NCKIPSD: variants seen among roughly 807,000 people sequenced by gnomAD.
NCKIPSD encodes NCK interacting protein with SH3 domain.
Under a neutral mutation model 73.4 loss-of-function variants are expected in NCKIPSD, and 48 were observed. The observed-to-expected ratio is 0.65, with a 90% confidence interval of 0.52 to 0.83. The LOEUF (loss-of-function observed/expected upper bound fraction) is 0.83. NCKIPSD is among the 40% of genes least tolerant of loss of function. The pLI, the probability that NCKIPSD is intolerant of heterozygous loss-of-function variation, is 0.00. For synonymous variants in NCKIPSD, 422 were observed against 403.6 expected (o/e 1.05, Z -0.54); for missense variants, 884 against 970.2 (o/e 0.91, Z 1.18).
At chr3:48,679,301 C>T in intron 9 of NCKIPSD, 76 bp downstream of exon 9, 1 of 1,611,336 alleles carries the variant, frequency 6.2e-7, no homozygotes, top group South Asian at 1.1e-5. Flanking sequence ...GCTGTGTAGT[C>T]AGCAGGTCCC....
chr3:48,680,362 C>T (rs928448721), intron 5 of NCKIPSD, 133 bp from the exon 6 acceptor site: 41 of 1,013,560 alleles, frequency 4.0e-5, no homozygotes, highest in Admixed American at 6.3e-5. Context: ...CCACACTGGA[C>T]AGGAGGCTCA....
In NCKIPSD at chr3:48,682,364, T is replaced by A; in HGVS notation, c.470A>T (p.Asp157Val). ...SLPSSEHLGA[D>V]GGLYQIPLPS... ...CCCACACACCTGGTAGAGGCCTCCATCTGCCCCAAGATGCTCAGAACTGGG... is the reference window on the plus strand; with the variant it reads ...CCCACACACCTGGTAGAGGCCTCCAACTGCCCCAAGATGCTCAGAACTGGG... Residue 157 changes from aspartate (D) to valine (V), a missense_variant, in exon 3 of 13, where the codon GAT becomes GTT. Transcript: ENST00000294129. The A allele has an allele frequency of 1.2e-6, 2 of 1,614,004 alleles. No individual in the cohort carries two copies. Among genetic ancestry groups the A allele is most frequent in the Non-Finnish European group, 8.5e-7 (1 of 1,179,944 alleles).
In NCKIPSD at chr3:48,674,068, C is replaced by T. The variant is rs1482009414; in HGVS notation, c.*476G>A. 15 of 1,076,538 alleles carry T rather than the reference C, an allele frequency of 1.4e-5. No homozygotes were observed. Among genetic ancestry groups the T allele is most frequent in the East Asian group, 9.6e-5 (2 of 20,738 alleles). 66.7% of individuals were successfully genotyped at this position (1,076,538 alleles called of 1,614,324 possible). On this transcript the variant is annotated 3_prime_UTR_variant, in exon 13 of 13. Transcript: ENST00000294129. ...CTCTGGGGGTAGGAGTGAAGGGCAG[C>T]GACCCCCATGTGCGGGTGGAGGGGA...
chr3:48,683,471 G>A (rs2077387634), intron 1 of NCKIPSD, among the ~76,000 whole-genome samples: 1 of 152,124 alleles, frequency 6.6e-6, no homozygotes, highest in South Asian at 2.1e-4. Flanking sequence ...ACAAAACCAA[G>A]GTCATACCCC....
chr3:48,681,906 C>A, intron 4 of NCKIPSD, 126 bp from the exon 5 acceptor site: 1 of 1,464,626 alleles, frequency 6.8e-7, no homozygotes, highest in South Asian at 1.3e-5. Flanking sequence ...CCTCACAAAG[C>A]CCAGAGCCCC....
rs2077430737 is a variant in NCKIPSD at position 48,685,847 on chromosome 3, T to C, written c.-40A>G. ...CAGGTGCAGGGAAGGTGGCAAGGGC[T>C]GCGGCGCCACAACGCCAGGCCGGGA... On this transcript the variant is annotated 5_prime_UTR_variant, in exon 1 of 13. Coordinates refer to ENST00000294129, the MANE Select transcript of NCKIPSD (RefSeq NM_016453.4). The C allele has an allele frequency of 3.7e-6, 5 of 1,367,770 alleles. No homozygotes were observed. Among genetic ancestry groups the C allele is most frequent in the Non-Finnish European group, 9.4e-7 (1 of 1,065,102 alleles). 84.7% of individuals were successfully genotyped at this position (1,367,770 alleles called of 1,614,324 possible).
chr3:48,682,165 T>A lies in NCKIPSD; in HGVS notation c.487-9A>T. ...GAAGATGGAAGTGGGATCTGGAAGA[T>A]GGAAGTAGGATCTTGGAGGACAGAC... is the stretch of plus-strand genomic sequence containing the variant. On this transcript the variant is annotated splice_polypyrimidine_tract_variant and intron_variant, in intron 3 of 12. Coordinates refer to ENST00000294129, the MANE Select transcript of NCKIPSD (RefSeq NM_016453.4). 6.3e-7 allele frequency: 1 copy of A among 1,594,594 alleles called. No homozygotes were observed. Among genetic ancestry groups the A allele is most frequent in the Non-Finnish European group, 8.5e-7 (1 of 1,176,706 alleles).
intron 12 of NCKIPSD, 49 bp from the exon 13 acceptor site, chr3:48,674,796 C>T (rs779090135): frequency 1.9e-6 from 3 of 1,586,496 alleles, no homozygotes; most frequent in Non-Finnish European, 2.6e-6. Flanking sequence ...GTACTGCAAC[C>T]ACCACTGGAC....
Position 48,674,379 on chromosome 3 carries a change from C to T in NCKIPSD, c.*165G>A. ...AGCTCCCAGACCATGGTCCCCAATC[C>T]TACACTTGGCCCCTCTCTTAAGTTC... On this transcript the variant is annotated 3_prime_UTR_variant, in exon 13 of 13. Coordinates refer to ENST00000294129, the MANE Select transcript of NCKIPSD (RefSeq NM_016453.4). The T allele has an allele frequency of 1.4e-6, 2 of 1,449,666 alleles. No individual in the cohort carries two copies. The highest frequency in any genetic ancestry group is 1.8e-6 in the Non-Finnish European group (2 of 1,103,392). The allele number at this position is 1,449,666 out of a possible 1,614,324, so 89.8% of individuals were successfully genotyped here. A position where few individuals can be genotyped will look rare whatever the true frequency, so the allele number is the denominator to read the frequency against.
chr3:48,682,555 G>C lies in NCKIPSD; in HGVS notation c.282-3C>G, dbSNP rs766864722. ...CTTTCCGGTGGTGGATCAGCTTCCT[G>C]ATGGAAGGACAGGAAGACTATTGGG... On this transcript the variant is annotated splice_polypyrimidine_tract_variant and splice_region_variant and intron_variant, in intron 2 of 12. Transcript: ENST00000294129. 1 of 1,613,812 alleles carries C rather than the reference G, an allele frequency of 6.2e-7. No homozygotes were observed.
Position 48,681,769 on chromosome 3 carries a change from T to C in NCKIPSD, c.610A>G (p.Thr204Ala), listed in dbSNP as rs773520712. 1.3e-6 allele frequency: 2 copies of C among 1,503,224 alleles called. No homozygotes were observed. The allele number at this position is 1,503,224 out of a possible 1,614,324, so 93.1% of individuals were successfully genotyped here. A position where few individuals can be genotyped will look rare whatever the true frequency, so the allele number is the denominator to read the frequency against. ...LMASGSGGHNTMPSGGNSVSS... is the reference protein window; with the variant it reads ...LMASGSGGHNAMPSGGNSVSS... ...ACAGAGTTACCCCCGGAGGGCATGGTGTTGTGGCCACCTGCGAGCAGTGAG... is the reference window on the plus strand; with the variant it reads ...ACAGAGTTACCCCCGGAGGGCATGGCGTTGTGGCCACCTGCGAGCAGTGAG... The change falls in exon 5 of 13, where the codon ACC (threonine) becomes GCC (alanine). Residue 204 changes from threonine (T) to alanine (A), a missense_variant. By Grantham distance (58) the Thr-to-Ala change is moderately conservative. Transcript: ENST00000294129.
At chr3:48,679,312 A>C in intron 9 of NCKIPSD, 65 bp downstream of exon 9, 1 of 1,611,544 alleles carries the variant, frequency 6.2e-7, no homozygotes, top group Non-Finnish European at 8.5e-7. Flanking sequence ...AGCAGGTCCC[A>C]GGCCCTCGGG....
At position 48,679,359 on chromosome 3, in the gene NCKIPSD, C is replaced by T. The variant is rs375102769; in HGVS notation, c.1570+18G>A. 13 of 1,613,986 alleles carry T rather than the reference C, an allele frequency of 8.1e-6. No individual in the cohort carries two copies. The highest frequency in any genetic ancestry group is 5.3e-5 in the African/African-American group (4 of 75,024). ...GGCTTAGGACCTGTGATCAGCTGGT[C>T]GGTTACTGCATTCTTACCATAGTGT... On this transcript the variant is annotated intron_variant, in intron 9 of 12. Transcript: ENST00000294129.
chr3:48,681,532 C>T lies in NCKIPSD; in HGVS notation c.847G>A (p.Ala283Thr), dbSNP rs202183753. Residue 283 changes from alanine (A) to threonine (T), a missense_variant, in exon 5 of 13, where the codon GCC (alanine) becomes ACC (threonine). Ala to Thr is a moderately conservative substitution (Grantham distance 58). Transcript: ENST00000294129. ...CCCAGGGCTTCCAGGTCATCAGAGGCTGAGGTTGTACCAGTTGCCACTTCT... is the reference window on the plus strand; with the variant it reads ...CCCAGGGCTTCCAGGTCATCAGAGGTTGAGGTTGTACCAGTTGCCACTTCT... The part of the protein sequence containing the change: ...EEEVATGTTS[A>T]SDDLEALGTL... The T allele has an allele frequency of 1.1e-5, 18 of 1,614,026 alleles. No homozygotes were observed. The highest frequency in any genetic ancestry group is 2.7e-5 in the African/African-American group (2 of 74,934).
rs1238739299 is a variant in NCKIPSD, at chr3:48,679,203, A to T, written c.1571-20T>A. The T allele has an allele frequency of 6.2e-7, 1 of 1,613,282 alleles. No individual in the cohort carries two copies. The highest frequency in any genetic ancestry group is 8.5e-7 in the Non-Finnish European group (1 of 1,179,744). On this transcript the variant is annotated intron_variant, in intron 9 of 12. Transcript: ENST00000294129. ...GGTGCTCTGGGAGAGGGGCGCACAG[A>T]AGTCTGCAGCCCCATTCCCCTCCGA...
In NCKIPSD at chr3:48,679,654, C is replaced by G; in HGVS notation, c.1410G>C (p.Leu470=). 3 of 1,614,222 alleles carry G rather than the reference C, an allele frequency of 1.9e-6. No homozygotes were observed. The highest frequency in any genetic ancestry group is 4.5e-5 in the East Asian group (2 of 44,878). Residue 470 remains leucine (L), a synonymous_variant, in exon 8 of 13, where the codon CTG becomes CTC. Coordinates refer to ENST00000294129, the MANE Select transcript of NCKIPSD (RefSeq NM_016453.4). ...CAAGCGTGGAGATGATGGCTGCATCCAGGCTGCACATGGCGCCAAAGCACT... is the reference window on the plus strand; with the variant it reads ...CAAGCGTGGAGATGATGGCTGCATCGAGGCTGCACATGGCGCCAAAGCACT... ...LLKCFGAMCS[L]DAAIISTLVS... is the part of the protein sequence containing the mutation.
In NCKIPSD at chr3:48,674,114, G is replaced by T; in HGVS notation, c.*430C>A. 1.8e-6 allele frequency: 2 copies of T among 1,114,038 alleles called. No homozygotes were observed. Among genetic ancestry groups the T allele is most frequent in the Non-Finnish European group, 2.2e-6 (2 of 908,098 alleles). 69.0% of individuals were successfully genotyped at this position (1,114,038 alleles called of 1,614,324 possible). ...GGGGAGGACATGAGCAGCACTCACTGCAAAGCTAAGGCAAAGAATAGAGCT... is the reference window on the plus strand; with the variant it reads ...GGGGAGGACATGAGCAGCACTCACTTCAAAGCTAAGGCAAAGAATAGAGCT... On this transcript the variant is annotated 3_prime_UTR_variant, in exon 13 of 13. Coordinates refer to ENST00000294129, the MANE Select transcript of NCKIPSD (RefSeq NM_016453.4).
intron 11 of NCKIPSD, 53 bp downstream of exon 11, chr3:48,678,824 C>T: frequency 6.2e-7 from 1 of 1,613,480 alleles, no homozygotes; most frequent in South Asian, 1.1e-5. Flanking sequence ...TTGCAGGGGT[C>T]ATGGAGTCAC....
chr3:48,682,112 T>C lies in NCKIPSD; in HGVS notation c.531A>G (p.Ala177=). 2 of 1,600,952 alleles carry C rather than the reference T, an allele frequency of 1.2e-6. No homozygotes were observed. Among genetic ancestry groups the C allele is most frequent in the South Asian group, 2.2e-5 (2 of 90,968 alleles). The stretch of plus-strand genomic sequence containing the variant: ...CTGGTGGGGGCGGTGTGGTGGGTGC[T>C]GCTCGGCGAGGCTGTGGTGGGATCT... ...SSQIPPQPRR[A]APTTPPPPVK... The change falls in exon 4 of 13, where the codon GCA becomes GCG. Residue 177 remains alanine, a synonymous_variant. Transcript: ENST00000294129.
Sources: allele counts gnomAD v4.1 joint callset (sites outside exome capture counted in the v4.1 genomes callset), GRCh38; gene constraint gnomAD v4.1.1; transcripts MANE v1.5; gene names NCBI Gene and HGNC (gene_info 2026-07-23, HGNC 2026-07-21).